The following RBP7 variants were observed in gnomAD, a reference collection of about 807,000 sequenced individuals.
RBP7 encodes retinol binding protein 7.
RBP7 carries 13 observed loss-of-function variants against 16.7 expected under a neutral mutation model. The observed-to-expected ratio is 0.78, with a 90% confidence interval of 0.51 to 1.24. The LOEUF is 1.24. Among genes scored for constraint, RBP7 ranks in the 50% most tolerant of loss-of-function variants. RBP7 has a pLI of 0.00. For synonymous variants in RBP7, 54 were observed against 56.2 expected, an observed-to-expected ratio of 0.96 and a Z score of 0.17; for missense variants, 145 against 159.5, an observed-to-expected ratio of 0.91 and a Z score of 0.49.
At chr1:9,999,859 C>G (rs1642232831) in intron 1 of RBP7, among the ~76,000 whole-genome samples, 1 of 134,476 alleles carries the variant, frequency 7.4e-6, no homozygotes, top group Non-Finnish European at 1.6e-5. Context: ...GCTCTATTGC[C>G]TAGGCTGGAG....
intron 1 of RBP7, among the ~76,000 whole-genome samples, chr1:10,005,329 A>G (rs1284674486): frequency 1.3e-5 from 2 of 152,048 alleles, no homozygotes; most frequent in East Asian, 1.9e-4. Context: ...CTCCTGCCTC[A>G]GCCCGACCCA....
At chr1:10,013,619 G>A (rs1007456961) in intron 3 of RBP7, among the ~76,000 whole-genome samples, 2 of 152,004 alleles carry the variant, frequency 1.3e-5, no homozygotes, top group Non-Finnish European at 1.5e-5. Context: ...AACTAGCCTG[G>A]CTAACATGGT....
chr1:10,000,361 C>T (rs1642242791), intron 1 of RBP7, among the ~76,000 whole-genome samples: 1 of 151,992 alleles, frequency 6.6e-6, no homozygotes, highest in Non-Finnish European at 1.5e-5. Flanking sequence ...GTGAAATACC[C>T]CATCTCTACT....
At chr1:10,010,806 A>G (rs1161719083) in intron 3 of RBP7, among the ~76,000 whole-genome samples, 1 of 135,132 alleles carries the variant, frequency 7.4e-6, no homozygotes, top group Non-Finnish European at 1.5e-5. Flanking sequence ...CTGGGCTTGA[A>G]CTCCCGACCT....
At chr1:10,005,361 C>T (rs1354121294) in intron 1 of RBP7, among the ~76,000 whole-genome samples, 1 of 151,618 alleles carries the variant, frequency 6.6e-6, no homozygotes, top group Non-Finnish European at 1.5e-5. Context: ...CCATGCCCAG[C>T]CTCAGCTGTT....
chr1:10,000,737 T>A (rs1051536477), intron 1 of RBP7, among the ~76,000 whole-genome samples: 2 of 151,964 alleles, frequency 1.3e-5, no homozygotes, highest in African/African-American at 4.8e-5. Flanking sequence ...ATCGCCTCTT[T>A]TTTTGTTGTT....
At chr1:10,005,729 A>G (rs1642423621) in intron 1 of RBP7, among the ~76,000 whole-genome samples, 1 of 150,954 alleles carries the variant, frequency 6.6e-6, no homozygotes, top group Admixed American at 6.6e-5. Flanking sequence ...ATGCCCAGCT[A>G]ATTTTTGTTT....
At chr1:9,999,163 A>G (rs1241699017) in intron 1 of RBP7, among the ~76,000 whole-genome samples, 4 of 152,108 alleles carry the variant, frequency 2.6e-5, no homozygotes, top group Non-Finnish European at 5.9e-5. Flanking sequence ...GCCTGCCACC[A>G]TGTAAGACGT....
chr1:9,999,035 A>G (rs1397038447), intron 1 of RBP7, among the ~76,000 whole-genome samples: 1 of 151,860 alleles, frequency 6.6e-6, no homozygotes, highest in Non-Finnish European at 1.5e-5. Flanking sequence ...GGACCTGAGG[A>G]GAGGTAATTG....
chr1:9,998,107 G>A (rs1023458283), intron 1 of RBP7, among the ~76,000 whole-genome samples: 1 of 152,210 alleles, frequency 6.6e-6, no homozygotes, highest in Non-Finnish European at 1.5e-5. Context: ...TCCTGCCACA[G>A]CCTTCCAAGT....
At chr1:10,013,697 C>T (rs910110299) in intron 3 of RBP7, among the ~76,000 whole-genome samples, 2 of 152,044 alleles carry the variant, frequency 1.3e-5, no homozygotes, top group African/African-American at 4.8e-5. Flanking sequence ...GTAGTCCCAG[C>T]TACTCAGGAG....
At chr1:10,006,880 G>A in intron 1 of RBP7, 1 of 385,636 alleles carries the variant, frequency 2.6e-6, no homozygotes, top group Admixed American at 3.6e-5. Flanking sequence ...AATACATAAG[G>A]CAGAAAAAGG....
At chr1:10,007,256 T>A in intron 1 of RBP7, 1 of 291,298 alleles carries the variant, frequency 3.4e-6, no homozygotes. Context: ...CTACAGTTTT[T>A]ATTTTTTTAT....
intron 3 of RBP7, among the ~76,000 whole-genome samples, chr1:10,012,204 T>C (rs1196379178): frequency 1.6e-4 from 13 of 80,742 alleles, no homozygotes; most frequent in African/African-American, 2.0e-4. Flanking sequence ...AGAGTGAAAC[T>C]CCATCTCAAA....
chr1:10,002,067 A>G (rs1054354421), intron 1 of RBP7, among the ~76,000 whole-genome samples: 2 of 152,068 alleles, frequency 1.3e-5, no homozygotes, highest in Non-Finnish European at 2.9e-5. Flanking sequence ...AGCTCAGGTG[A>G]CCTGCCTGCC....
intron 3 of RBP7, among the ~76,000 whole-genome samples, chr1:10,008,736 C>T (rs1183543834): frequency 3.3e-5 from 5 of 151,910 alleles, no homozygotes; most frequent in Admixed American, 3.3e-4. Flanking sequence ...ACCACCACAC[C>T]TGGCCCATCT....
intron 3 of RBP7, among the ~76,000 whole-genome samples, chr1:10,010,577 CA>C (rs1642588674): frequency 6.6e-6 from 1 of 151,064 alleles, no homozygotes; most frequent in South Asian, 2.1e-4. Flanking sequence ...CCACCATGCC[CA>C]GCTAATTTTT....
chr1:10,009,575 A>G (rs2101737713), intron 3 of RBP7, among the ~76,000 whole-genome samples: 1 of 147,024 alleles, frequency 6.8e-6, no homozygotes, highest in East Asian at 2.0e-4. Flanking sequence ...AGTGTCACCC[A>G]CGCTGGAGTG....
rs549889732 is a variant in RBP7, at chr1:10,015,863, C to T, written c.*31C>T. On this transcript the variant is annotated 3_prime_UTR_variant, in exon 4 of 4. Coordinates refer to ENST00000294435, the MANE Select transcript of RBP7 (RefSeq NM_052960.3). ...ATCCAGCAGCAGAGCCCACTTGTGG[C>T]TGCAGCTTTATGCCAAATTATATTG... 1.9e-6 allele frequency: 3 copies of T among 1,608,012 alleles called. No individual in the cohort carries two copies.
Sources: gnomAD v4.1 joint callset for allele counts (sites outside exome capture counted in the v4.1 genomes callset) on GRCh38, gnomAD v4.1.1 for gene constraint, MANE v1.5 for transcripts, NCBI Gene and HGNC (gene_info 2026-07-23, HGNC 2026-07-21) for gene names.